PCDH15: variants seen among roughly 807,000 people sequenced by gnomAD.
PCDH15 encodes protocadherin related 15.
PCDH15 carries 129 observed loss-of-function variants against 178.5 expected under a neutral mutation model. The observed-to-expected ratio is 0.72, with a 90% CI of 0.63 to 0.84. The LOEUF is 0.84. Among genes scored for constraint, PCDH15 ranks in the 40% least tolerant of loss-of-function variants. The probability of loss-of-function intolerance (pLI) is 0.00; values close to 1 mark genes in which losing one functional copy is unlikely to be tolerated. For missense variants in PCDH15, 2,230 were observed against 2,099.9 expected (o/e 1.06, Z -1.21); for synonymous variants, 800 against 732.0 (o/e 1.09, Z -1.50).
chr10:54,477,638 C>T (rs1403372517), intron 3 of PCDH15, among the ~76,000 whole-genome samples: 1 of 152,108 alleles, frequency 6.6e-6, no homozygotes, highest in Non-Finnish European at 1.5e-5. Context: ...ACTCTATCAC[C>T]CAGGCTGATG....
chr10:54,932,895 T>A (rs995492449), intron 2 of PCDH15, among the ~76,000 whole-genome samples: 4 of 152,080 alleles, frequency 2.6e-5, no homozygotes, highest in Non-Finnish European at 5.9e-5. Flanking sequence ...CATTCACTCA[T>A]CACTCACTCA....
At chr10:54,940,486 A>C (rs1253011657) in intron 2 of PCDH15, among the ~76,000 whole-genome samples, 1 of 152,154 alleles carries the variant, frequency 6.6e-6, no homozygotes, top group African/African-American at 2.4e-5. Flanking sequence ...ATTTGAAAAG[A>C]AAGTATATAG....
At chr10:55,254,905 G>A (rs1485038474) in intron 1 of PCDH15, among the ~76,000 whole-genome samples, 1 of 151,966 alleles carries the variant, frequency 6.6e-6, no homozygotes, top group East Asian at 1.9e-4. Context: ...TACATCTCAT[G>A]TCATAGGAAT....
At chr10:54,170,627 C>A (rs1256852944) in intron 13 of PCDH15, among the ~76,000 whole-genome samples, 2 of 151,606 alleles carry the variant, frequency 1.3e-5, no homozygotes, top group Non-Finnish European at 2.9e-5. Context: ...CCACATTATT[C>A]CTGATACCAC....
intron 2 of PCDH15, among the ~76,000 whole-genome samples, chr10:54,934,822 A>G (rs1837865324): frequency 6.6e-6 from 1 of 151,964 alleles, no homozygotes; most frequent in African/African-American, 2.4e-5. Flanking sequence ...AAGACTTGGA[A>G]CCAACCCAAA....
At chr10:54,712,444 T>A (rs888227947) in intron 1 of PCDH15, among the ~76,000 whole-genome samples, 6 of 151,962 alleles carry the variant, frequency 3.9e-5, no homozygotes, top group Non-Finnish European at 8.8e-5. Flanking sequence ...GAGACAATGA[T>A]GAAAAGAACA....
intron 1 of PCDH15, among the ~76,000 whole-genome samples, chr10:55,191,134 T>C (rs1006797499): frequency 6.6e-6 from 1 of 151,766 alleles, no homozygotes; most frequent in East Asian, 1.9e-4. Flanking sequence ...TTGGATACCA[T>C]CTTGTATTAA....
intron 2 of PCDH15, among the ~76,000 whole-genome samples, chr10:55,467,229 G>T (rs554359838): frequency 1.3e-5 from 2 of 152,192 alleles, no homozygotes; most frequent in South Asian, 2.1e-4. Context: ...ACCAAAACAG[G>T]AAAAGAAAAA....
At chr10:54,879,052 A>C (rs1239217816) in intron 3 of PCDH15, among the ~76,000 whole-genome samples, 1 of 152,204 alleles carries the variant, frequency 6.6e-6, no homozygotes, top group Non-Finnish European at 1.5e-5. Flanking sequence ...GAAAAGTAAA[A>C]TTAAAAAATG....
At chr10:54,559,175 T>G (rs1441243810) in intron 2 of PCDH15, among the ~76,000 whole-genome samples, 1 of 152,108 alleles carries the variant, frequency 6.6e-6, no homozygotes, top group Non-Finnish European at 1.5e-5. Flanking sequence ...TTAAAATATG[T>G]AACATATGAG....
chr10:54,822,656 C>T (rs554124050), intron 3 of PCDH15, among the ~76,000 whole-genome samples: 1 of 151,950 alleles, frequency 6.6e-6, no homozygotes, highest in East Asian at 1.9e-4. Context: ...TACCAAGCTT[C>T]TGGATTGCTG....
intron 3 of PCDH15, among the ~76,000 whole-genome samples, chr10:54,842,069 G>A (rs1953428494): frequency 6.6e-6 from 1 of 151,708 alleles, no homozygotes; most frequent in Admixed American, 6.6e-5. Flanking sequence ...GTTATATCGA[G>A]GAACTTGAAA....
chr10:54,394,866 G>A (rs953436493), intron 3 of PCDH15, among the ~76,000 whole-genome samples: 1 of 152,084 alleles, frequency 6.6e-6, no homozygotes, highest in African/African-American at 2.4e-5. Flanking sequence ...TTCATGCTGA[G>A]AAAAAGAATT....
intron 1 of PCDH15, among the ~76,000 whole-genome samples, chr10:55,302,669 T>C (rs1306843912): frequency 6.6e-6 from 1 of 152,118 alleles, no homozygotes; most frequent in South Asian, 2.1e-4. Context: ...GGTTATCTCA[T>C]CTCAAAAATA....
At chr10:54,425,842 T>C (rs916538295) in intron 3 of PCDH15, among the ~76,000 whole-genome samples, 7 of 152,104 alleles carry the variant, frequency 4.6e-5, no homozygotes, top group Non-Finnish European at 5.9e-5. Flanking sequence ...TTTTCAAAAT[T>C]TTGATTTAGA....
At chr10:55,432,028 C>T (rs1406131631) in intron 2 of PCDH15, among the ~76,000 whole-genome samples, 3 of 149,768 alleles carry the variant, frequency 2.0e-5, no homozygotes, top group Non-Finnish European at 3.0e-5. Flanking sequence ...GTGAGAAGTA[C>T]TATAAAAAAA....
chr10:55,241,049 T>C (rs1454952784), intron 1 of PCDH15, among the ~76,000 whole-genome samples: 4 of 152,174 alleles, frequency 2.6e-5, no homozygotes, highest in South Asian at 2.1e-4. Context: ...ACCCTGTTTC[T>C]ATTAAAAATA....
At chr10:54,360,273 T>A (rs971059746) in intron 5 of PCDH15, among the ~76,000 whole-genome samples, 1 of 152,020 alleles carries the variant, frequency 6.6e-6, no homozygotes, top group Non-Finnish European at 1.5e-5. Context: ...CCTCCCTAAT[T>A]CCCATTTTCC....
At chr10:54,674,354 G>A (rs1165873251) in intron 1 of PCDH15, among the ~76,000 whole-genome samples, 5 of 151,958 alleles carry the variant, frequency 3.3e-5, no homozygotes, top group African/African-American at 1.2e-4. Flanking sequence ...AAAACCAAAT[G>A]GTAGACTGTT....
Sources: gnomAD v4.1 joint callset for allele counts (sites outside exome capture counted in the v4.1 genomes callset) on GRCh38, gnomAD v4.1.1 for gene constraint, MANE v1.5 for transcripts, NCBI Gene and HGNC (gene_info 2026-07-23, HGNC 2026-07-21) for gene names.